TRIM37: variants seen among roughly 807,000 people sequenced by gnomAD.
TRIM37 encodes the protein tripartite motif containing 37, also known as E3 ubiquitin-protein ligase TRIM37.
Under a neutral mutation model 129.8 loss-of-function variants are expected in TRIM37, and 80 were observed. The observed-to-expected ratio is 0.62, with a 90% CI of 0.51 to 0.74. The LOEUF is 0.74. TRIM37 is among the 30% of genes least tolerant of loss of function. The probability of loss-of-function intolerance (pLI) is 0.00; values close to 1 mark genes in which losing one functional copy is unlikely to be tolerated. For missense variants in TRIM37, 1,054 were observed against 1,176.5 expected (o/e 0.90, Z 1.52); for synonymous variants, 389 against 387.1 (o/e 1.00, Z -0.06).
At chr17:59,022,916 T>C (rs532251246) in intron 19 of TRIM37, among the ~76,000 whole-genome samples, 2 of 152,302 alleles carry the variant, frequency 1.3e-5, no homozygotes, top group East Asian at 3.9e-4. Context: ...TTACATATTT[T>C]GCAGATACAG....
At chr17:59,043,502 C>T (rs1206446616) in intron 16 of TRIM37, among the ~76,000 whole-genome samples, 1 of 152,184 alleles carries the variant, frequency 6.6e-6, no homozygotes, top group African/African-American at 2.4e-5. Flanking sequence ...GAACACAGGC[C>T]TCCCACTTCC....
At chr17:59,010,298 T>C (rs1487904536) in intron 22 of TRIM37, among the ~76,000 whole-genome samples, 3 of 152,144 alleles carry the variant, frequency 2.0e-5, no homozygotes, top group Non-Finnish European at 4.4e-5. Context: ...GGTTAACAGC[T>C]GAGGATGCTG....
chr17:59,027,842 G>C (rs945728852), intron 19 of TRIM37, among the ~76,000 whole-genome samples: 11 of 152,048 alleles, frequency 7.2e-5, no homozygotes, highest in African/African-American at 2.7e-4. Flanking sequence ...TCCTCTCTCT[G>C]CTTTCTTTGC....
Position 59,017,400 on chromosome 17 carries a change from G to A in TRIM37, c.2282C>T (p.Pro761Leu), listed in dbSNP as rs773999459. The stretch of plus-strand genomic sequence containing the variant: ...TGCTACACTGGATCGAGCTGGCTTG[G>A]GCGAATTACTCTTCTTATTTGTGGC... Reference protein sequence around the residue: ...RNSTNKKSNSPKPARSSVAGS... With the variant: ...RNSTNKKSNSLKPARSSVAGS... Residue 761 changes from proline to leucine, a missense_variant, in exon 20 of 24, where the codon CCC (proline) becomes CTC (leucine). Transcript: ENST00000262294. The A allele has an allele frequency of 8.0e-5, 129 of 1,613,888 alleles. No homozygotes were observed. Among genetic ancestry groups the A allele is most frequent in the Non-Finnish European group, 1.1e-4 (128 of 1,179,970 alleles).
At chr17:59,087,125 C>G (rs1393562917) in intron 4 of TRIM37, among the ~76,000 whole-genome samples, 1 of 152,112 alleles carries the variant, frequency 6.6e-6, no homozygotes, top group Non-Finnish European at 1.5e-5. Flanking sequence ...GAGATGGAGT[C>G]TCGCTCGTTA....
At chr17:59,095,153 G>A (rs1338469386) in intron 2 of TRIM37, among the ~76,000 whole-genome samples, 1 of 152,048 alleles carries the variant, frequency 6.6e-6, no homozygotes, top group Admixed American at 6.6e-5. Flanking sequence ...AGAGGTCAGG[G>A]CTGCAGTGAG....
At chr17:58,969,682 C>G in the TRIM37 span, 4 of 1,614,180 alleles carry the variant, frequency 2.5e-6, no homozygotes, top group Non-Finnish European at 3.4e-6. Flanking sequence ...TGTGCAGGGC[C>G]TTCCGGGTCA....
In TRIM37 at chr17:59,031,618, T is replaced by C. The variant is rs147826327; in HGVS notation, c.1948+278A>G. Among the ~76,000 whole-genome samples the C allele has an allele frequency of 9.8e-5, 15 of 152,342 alleles. No individual in the cohort carries two copies. The East Asian group carries it at 2.9e-3, about 29-fold the overall frequency. On this transcript the variant is annotated intron_variant, in intron 18 of 23. Coordinates refer to ENST00000262294, the MANE Select transcript of TRIM37 (RefSeq NM_015294.6). ...AAAAAAAGTCCATTCATAAAGAAGA[T>C]AACCGTATTTCATATGGATCAAACT...
intron 8 of TRIM37, 133 bp downstream of exon 8, chr17:59,075,512 CGA>C (rs2042733536): frequency 3.2e-6 from 2 of 615,980 alleles, no homozygotes; most frequent in Non-Finnish European, 5.5e-6. Flanking sequence ...TACAGTGAGC[CGA>C]GATCGCGCCA....
At chr17:59,003,195 G>C (rs2034009011) in intron 22 of TRIM37, among the ~76,000 whole-genome samples, 1 of 152,130 alleles carries the variant, frequency 6.6e-6, no homozygotes, top group Non-Finnish European at 1.5e-5. Context: ...AATTCCTATT[G>C]AAAGAACAGA....
intron 24 of TRIM37, among the ~76,000 whole-genome samples, chr17:58,988,542 C>A (rs2032035705): frequency 6.6e-6 from 1 of 152,064 alleles, no homozygotes; most frequent in Admixed American, 6.6e-5. Flanking sequence ...TGGGAAGGGG[C>A]AAGTAAACAG....
At chr17:59,003,048 T>C (rs1809583779) in intron 22 of TRIM37, among the ~76,000 whole-genome samples, 1 of 152,172 alleles carries the variant, frequency 6.6e-6, no homozygotes, top group Non-Finnish European at 1.5e-5. Flanking sequence ...CTAATTTTTG[T>C]AATTTGTTAG....
chr17:59,004,624 T>C (rs948690629), intron 22 of TRIM37, among the ~76,000 whole-genome samples: 1 of 152,134 alleles, frequency 6.6e-6, no homozygotes, highest in Non-Finnish European at 1.5e-5. Flanking sequence ...ACAGGTTCTA[T>C]AAACAGTAAA....
intron 7 of TRIM37, among the ~76,000 whole-genome samples, chr17:59,079,089 A>C (rs924112532): frequency 1.3e-5 from 2 of 152,110 alleles, no homozygotes; most frequent in African/African-American, 2.4e-5. Flanking sequence ...ACCTTATTTA[A>C]AGTATATATA....
intron 17 of TRIM37, among the ~76,000 whole-genome samples, chr17:59,036,447 G>GTGTGTGTGTGTGT (rs2038497208): frequency 7.1e-6 from 1 of 140,582 alleles, no homozygotes; most frequent in African/African-American, 2.7e-5. Flanking sequence ...ATTTGCTGGG[G>GTGTGTGTGTGTGT]GTGTGTGTGT....
intron 6 of TRIM37, among the ~76,000 whole-genome samples, chr17:59,080,836 G>A (rs528415902): frequency 1.3e-5 from 2 of 152,152 alleles, no homozygotes; most frequent in South Asian, 4.2e-4. Flanking sequence ...GTAACAAACA[G>A]ACTTTTTAAA....
chr17:59,013,481 T>A (rs938166400), intron 21 of TRIM37, among the ~76,000 whole-genome samples: 1 of 151,792 alleles, frequency 6.6e-6, no homozygotes, highest in Admixed American at 6.6e-5. Context: ...ATAAAGTACA[T>A]CTTCTGTATT....
intron 19 of TRIM37, among the ~76,000 whole-genome samples, 190 bp from the exon 20 acceptor site, chr17:59,017,614 T>C (rs2036110495): frequency 1.3e-5 from 2 of 152,068 alleles, no homozygotes; most frequent in African/African-American, 4.8e-5. Flanking sequence ...TTGTTGCTTG[T>C]AGAGCAGAAT....
At chr17:59,084,954 A>G (rs1186331505) in intron 4 of TRIM37, among the ~76,000 whole-genome samples, 2 of 152,226 alleles carry the variant, frequency 1.3e-5, no homozygotes, top group Non-Finnish European at 2.9e-5. Flanking sequence ...CTATTGTTTA[A>G]GCTACTCAGT....
Sources: allele counts gnomAD v4.1 joint callset (sites outside exome capture counted in the v4.1 genomes callset), GRCh38; gene constraint gnomAD v4.1.1; transcripts MANE v1.5; gene names NCBI Gene and HGNC (gene_info 2026-07-23, HGNC 2026-07-21).